The following A2ML1 variants were observed in gnomAD, a reference collection of about 807,000 sequenced individuals.
A2ML1 encodes alpha-2-macroglobulin like 1.
A2ML1 carries 161 observed loss-of-function variants against 181.9 expected under a neutral mutation model. The ratio of observed to expected loss-of-function variants is 0.89; its 90% CI spans 0.78 to 1.01. A2ML1 has a LOEUF of 1.01. Among genes scored for constraint, A2ML1 ranks in the 50% least tolerant of loss-of-function variants. A2ML1 has a pLI of 0.00. For synonymous variants in A2ML1, 663 were observed against 666.8 expected (o/e 0.99, Z 0.09); for missense variants, 1,670 against 1,768.1 (o/e 0.94, Z 1.00).
chr12:8,878,238 G>A (rs930543634), downstream of A2ML1, among the ~76,000 whole-genome samples: 6 of 152,156 alleles, frequency 3.9e-5, no homozygotes, highest in East Asian at 5.8e-4. The surrounding 1 kb of genome is among the most constrained non-coding windows in gnomAD (Gnocchi z 4.4). Flanking sequence ...GGGAGGTGGA[G>A]GTTGCAATGA....
chr12:8,831,792 C>A (rs1489058628), intron 4 of A2ML1, among the ~76,000 whole-genome samples: 2 of 151,888 alleles, frequency 1.3e-5, no homozygotes, highest in African/African-American at 4.8e-5. Flanking sequence ...TCTTGTTGCC[C>A]AGGCTGGAGT....
chr12:8,848,820 T>TCATTGACC lies in A2ML1; in HGVS notation c.1937_1944dup (p.Met649LeufsTer35). The TCATTGACC allele has an allele frequency of 6.2e-7, 1 of 1,614,132 alleles. No homozygotes were observed. Among genetic ancestry groups the TCATTGACC allele is most frequent in the Non-Finnish European group, 8.5e-7 (1 of 1,180,012 alleles). On this transcript the variant is annotated frameshift_variant, in exon 16 of 36. Coordinates refer to ENST00000299698, the MANE Select transcript of A2ML1 (RefSeq NM_144670.6). LOFTEE classifies it high-confidence loss of function. ...GGCCCATGGGACTTTCCTCAGCCCC[T>TCATTGACC]CATTGACCCAATGCCCCAAGGGCAT...
At chr12:8,865,936 C>T (rs866082368) in intron 29 of A2ML1, among the ~76,000 whole-genome samples, 3 of 152,052 alleles carry the variant, frequency 2.0e-5, no homozygotes, top group Non-Finnish European at 4.4e-5. Flanking sequence ...TTGAAATTAG[C>T]CAATTTCACT....
intron 29 of A2ML1, among the ~76,000 whole-genome samples, chr12:8,866,302 CTCAAAA>C (rs1565491431): frequency 1.7e-4 from 6 of 34,358 alleles, no homozygotes; most frequent in Admixed American, 8.8e-4. Context: ...AAGACTCCAT[CTCAAAA>C]AAAAAAAAAA....
chr12:8,844,949 T>A lies in A2ML1; in HGVS notation c.1477-493T>A, dbSNP rs1943616027. ...CAAGATCACCGAGTTCTGTTTCAAG[T>A]GAGAGTGGACGGGAAGGGGGAGTTA... On this transcript the variant is annotated intron_variant, in intron 12 of 35. Coordinates refer to ENST00000299698, the MANE Select transcript of A2ML1 (RefSeq NM_144670.6). The A allele has an allele frequency of 5.4e-6, 7 of 1,304,196 alleles. No individual in the cohort carries two copies. In the South Asian group the frequency reaches 1.5e-4, roughly 29 times the overall value. The allele number at this position is 1,304,196 out of a possible 1,614,324, so 80.8% of individuals were successfully genotyped here.
At chr12:8,835,186 C>A (rs1420714222) in intron 5 of A2ML1, among the ~76,000 whole-genome samples, 2 of 152,180 alleles carry the variant, frequency 1.3e-5, no homozygotes, top group Non-Finnish European at 2.9e-5. Context: ...TGACCAGAAA[C>A]AGAGTAAACA....
In A2ML1 at chr12:8,852,066, C is replaced by T; in HGVS notation, c.2463+54C>T. 1 of 1,594,956 alleles carries T rather than the reference C, an allele frequency of 6.3e-7. No homozygotes were observed. Among genetic ancestry groups the T allele is most frequent in the Admixed American group, 1.7e-5 (1 of 59,328 alleles). On this transcript the variant is annotated intron_variant, in intron 19 of 35. Transcript: ENST00000299698. This position sits in a 1 kb window ranked among gnomAD's most constrained non-coding sequence, Gnocchi z 4.2. ...GTCAGCCCTGGAATCACACCTCCCC[C>T]ATAAGTTTGTCTCTAAATTGGAAGC...
rs1943791704 is a variant in A2ML1 at position 8,848,842 on chromosome 12, G to A, written c.1956G>A (p.Gly652=). The A allele has an allele frequency of 6.2e-7, 1 of 1,614,022 alleles. No homozygotes were observed. The highest frequency in any genetic ancestry group is 2.2e-5 in the East Asian group (1 of 44,884). Residue 652 remains glycine (G), a synonymous_variant, in exon 16 of 36, where the codon GGG becomes GGA. Transcript: ENST00000299698. The part of the protein sequence containing the change: ...PQPLIDPMPQ[G]HSSQRSIIWR... ...CCCTCATTGACCCAATGCCCCAAGG[G>A]CATTCGAGCCAGCGTTCCATTATCT... is the stretch of plus-strand genomic sequence containing the variant.
Position 8,848,865 on chromosome 12 carries a change from T to C in A2ML1, c.1979T>C (p.Ile660Thr). 6.2e-7 allele frequency: 1 copy of C among 1,614,200 alleles called. No individual in the cohort carries two copies. The highest frequency in any genetic ancestry group is 8.5e-7 in the Non-Finnish European group (1 of 1,180,036). Residue 660 changes from isoleucine to threonine, a missense_variant, in exon 16 of 36, where the codon ATC becomes ACC. Transcript: ENST00000299698. ...GGGCATTCGAGCCAGCGTTCCATTA[T>C]CTGGAGGCCCTCGTTCTCTGAAGGC... ...PQGHSSQRSI[I>T]WRPSFSEGTD...
At chr12:8,835,006 T>G in intron 5 of A2ML1, 1 of 368,076 alleles carries the variant, frequency 2.7e-6, no homozygotes, top group South Asian at 5.4e-5. Flanking sequence ...TAATAGCCCT[T>G]GCCATAGGCA....
At chr12:8,836,559 C>T (rs1351076079) in intron 7 of A2ML1, among the ~76,000 whole-genome samples, 2 of 149,976 alleles carry the variant, frequency 1.3e-5, no homozygotes, top group Non-Finnish European at 2.9e-5. Flanking sequence ...TCTCGGCTCA[C>T]TGCAACCTCC....
In A2ML1 at chr12:8,828,809, G is replaced by A. The variant is rs370261492; in HGVS notation, c.410-918G>A. Among the ~76,000 whole-genome samples the A allele has an allele frequency of 4.6e-5, 7 of 152,306 alleles. No individual in the cohort carries two copies. In the East Asian group the frequency reaches 9.7e-4, roughly 21 times the overall value. On this transcript the variant is annotated intron_variant, in intron 3 of 35. Transcript: ENST00000299698. ...GTATTTAGAGCCCCAGGGGCTAATCGGAACTCAGCTTCCAACCGCTGGGAT... is the reference window on the plus strand; with the variant it reads ...GTATTTAGAGCCCCAGGGGCTAATCAGAACTCAGCTTCCAACCGCTGGGAT...
rs1944236841 is a variant in A2ML1 at position 8,860,908 on chromosome 12, A to G, written c.3292A>G (p.Thr1098Ala). 6.2e-7 allele frequency: 1 copy of G among 1,613,988 alleles called. No individual in the cohort carries two copies. The highest frequency in any genetic ancestry group is 8.5e-7 in the Non-Finnish European group (1 of 1,180,012). The change falls in exon 27 of 36, where the codon ACT becomes GCT. Residue 1098 changes from threonine to alanine, a missense_variant. Thr to Ala is a moderately conservative substitution (Grantham distance 58). Transcript: ENST00000299698. ...KGGVDDEVSL[T>A]AYVTAALLEM... The stretch of plus-strand genomic sequence containing the variant: ...TGGTGTTGATGATGAGGTCTCCTTG[A>G]CTGCGTATGTCACAGCTGCATTGCT...
At chr12:8,834,754 G>A in intron 5 of A2ML1, 72 bp downstream of exon 5, 2 of 1,579,820 alleles carry the variant, frequency 1.3e-6, no homozygotes, top group Non-Finnish European at 1.7e-6. Flanking sequence ...GGTACACCTT[G>A]AAGACAGAAG....
In A2ML1 at chr12:8,835,493, T is replaced by C; in HGVS notation, c.484-14T>C. 6.2e-7 allele frequency: 1 copy of C among 1,613,276 alleles called. No homozygotes were observed. On this transcript the variant is annotated splice_polypyrimidine_tract_variant and intron_variant, in intron 5 of 35. Coordinates refer to ENST00000299698, the MANE Select transcript of A2ML1 (RefSeq NM_144670.6). ...AAACGGGCAGGCACATCATGCAGTTTCTCTATTGGACAGGATCCAAATAGC... is the reference window on the plus strand; with the variant it reads ...AAACGGGCAGGCACATCATGCAGTTCCTCTATTGGACAGGATCCAAATAGC...
At chr12:8,837,589 A>G in intron 8 of A2ML1, 23 bp downstream of exon 8, 1 of 1,602,346 alleles carries the variant, frequency 6.2e-7, no homozygotes, top group Non-Finnish European at 8.5e-7. Flanking sequence ...CAGGTTAAAA[A>G]GGAACCTATC....
At chr12:8,862,274 C>G (rs1179542889) in intron 28 of A2ML1, among the ~76,000 whole-genome samples, 1 of 152,022 alleles carries the variant, frequency 6.6e-6, no homozygotes, top group East Asian at 1.9e-4. Context: ...GCAATCTTGG[C>G]TCACTGCAAC....
At chr12:8,863,692 T>C in intron 28 of A2ML1, 102 bp from the exon 29 acceptor site, 1 of 1,151,522 alleles carries the variant, frequency 8.7e-7, no homozygotes, top group South Asian at 1.5e-5. Context: ...TGTTTAATTC[T>C]CAGTTGGTAC....
chr12:8,845,612 C>T, intron 13 of A2ML1, 110 bp downstream of exon 13: 4 of 1,028,406 alleles, frequency 3.9e-6, no homozygotes, highest in Non-Finnish European at 5.8e-6. Context: ...CTTTGGGAGG[C>T]CGAGGTGGGC....
Sources: gnomAD v4.1 joint callset for allele counts (sites outside exome capture counted in the v4.1 genomes callset) on GRCh38, gnomAD v4.1.1 for gene constraint, Gnocchi (gnomAD v3.1) non-coding constraint, MANE v1.5 for transcripts, NCBI Gene and HGNC (gene_info 2026-07-23, HGNC 2026-07-21) for gene names.